BLTP1: variants seen among roughly 807,000 people sequenced by gnomAD.
BLTP1 encodes the protein fragile site-associated protein.
chr4:122,271,101 A>T, the BLTP1 span: 5 of 1,613,918 alleles, frequency 3.1e-6, no homozygotes, highest in Non-Finnish European at 4.2e-6. Context: ...GTTGTAATGG[A>T]AAAGTCCGTG....
At chr4:122,347,253 T>C in the BLTP1 span, 13 of 982,508 alleles carry the variant, frequency 1.3e-5, no homozygotes, top group African/African-American at 1.7e-5. Context: ...GTCAGTTACA[T>C]AGAGGTAAAT....
At chr4:122,338,822 A>G in the BLTP1 span, among the ~76,000 whole-genome samples, 1 of 152,184 alleles carries the variant, frequency 6.6e-6, no homozygotes, top group Non-Finnish European at 1.5e-5. Flanking sequence ...TCAAGGGTCA[A>G]CTGTCTTATT....
chr4:122,248,041 A>C, the BLTP1 span: 1 of 985,104 alleles, frequency 1.0e-6, no homozygotes, highest in Non-Finnish European at 1.2e-6. Flanking sequence ...GAATTTGCTT[A>C]CTGTATTTTA....
the BLTP1 span, chr4:122,189,325 A>G: frequency 1.0e-6 from 1 of 980,960 alleles, no homozygotes; most frequent in South Asian, 4.7e-5. Context: ...ATGTATGACA[A>G]AGAGAAAAGT....
the BLTP1 span, chr4:122,199,295 G>C: frequency 4.4e-6 from 7 of 1,587,254 alleles, no homozygotes; most frequent in South Asian, 8.0e-5. Context: ...GTTGGTTCTA[G>C]TCCAAAGATG....
the BLTP1 span, among the ~76,000 whole-genome samples, chr4:122,332,643 T>TTA: frequency 4.8e-5 from 7 of 147,132 alleles, no homozygotes; most frequent in African/African-American, 7.6e-5. Flanking sequence ...TTTTTTTTTT[T>TTA]ATTATACTCT....
chr4:122,220,465 T>TA, the BLTP1 span: 1 of 1,609,474 alleles, frequency 6.2e-7, no homozygotes, highest in South Asian at 1.1e-5. Flanking sequence ...CAGTGATAAC[T>TA]ATCAGGTAAG....
chr4:122,174,179 T>G, the BLTP1 span: 1 of 985,050 alleles, frequency 1.0e-6, no homozygotes. Context: ...ACATAAAACT[T>G]CTTTCAAACA....
At chr4:122,312,993 T>G in the BLTP1 span, 3 of 490,736 alleles carry the variant, frequency 6.1e-6, no homozygotes, top group Non-Finnish European at 7.9e-6. Context: ...CTATGTAAAA[T>G]TGTTGAATTT....
At chr4:122,287,702 T>A in the BLTP1 span, 8 of 985,346 alleles carry the variant, frequency 8.1e-6, no homozygotes, top group South Asian at 3.8e-4. Context: ...CATATTTAAG[T>A]CTGATTTACC....
the BLTP1 span, among the ~76,000 whole-genome samples, chr4:122,317,199 G>A: frequency 1.3e-5 from 2 of 152,008 alleles, no homozygotes; most frequent in Admixed American, 6.6e-5. Context: ...GGGCGTGGTG[G>A]TACATGCCTA....
the BLTP1 span, chr4:122,196,773 G>T: frequency 6.4e-7 from 1 of 1,572,352 alleles, no homozygotes; most frequent in Non-Finnish European, 8.7e-7. Context: ...CAATTGATTT[G>T]CTGTTTACCA....
chr4:122,208,750 A>G, the BLTP1 span: 480 of 747,918 alleles, frequency 6.4e-4, 3 homozygotes, highest in African/African-American at 8.3e-3. Context: ...TCGAATGCAA[A>G]ATCTGCCATT....
At chr4:122,343,405 T>C in the BLTP1 span, 62 of 1,613,584 alleles carry the variant, frequency 3.8e-5, no homozygotes, top group Non-Finnish European at 5.0e-5. Flanking sequence ...CTGTGCTCAC[T>C]GTAGGTTCAT....
the BLTP1 span, chr4:122,179,770 G>GCA: frequency 1.2e-6 from 1 of 847,170 alleles, no homozygotes. Context: ...GCACATACAT[G>GCA]CACACACACT....
At chr4:122,319,539 ATTTTT>A in the BLTP1 span, among the ~76,000 whole-genome samples, 2 of 131,678 alleles carry the variant, frequency 1.5e-5, no homozygotes, top group Admixed American at 7.6e-5. Context: ...ATGATTTATA[ATTTTT>A]TTTTTTTTTT....
chr4:122,177,368 C>G, the BLTP1 span, among the ~76,000 whole-genome samples: 76 of 152,294 alleles, frequency 5.0e-4, no homozygotes, highest in African/African-American at 1.7e-3. Flanking sequence ...CACATAGTCT[C>G]TTAACTAGTC....
the BLTP1 span, among the ~76,000 whole-genome samples, chr4:122,266,530 G>A: frequency 6.6e-6 from 1 of 151,972 alleles, no homozygotes; most frequent in Non-Finnish European, 1.5e-5. Flanking sequence ...AGACACTTAG[G>A]TAGGGTCAAG....
At chr4:122,200,676 C>A in the BLTP1 span, 1 of 984,878 alleles carries the variant, frequency 1.0e-6, no homozygotes, top group Non-Finnish European at 1.2e-6. Context: ...TCACACTGAG[C>A]CTGTCACTTA....
Sources: gnomAD v4.1 joint callset for allele counts (sites outside exome capture counted in the v4.1 genomes callset) on GRCh38, gnomAD v4.1.1 for gene constraint, MANE v1.5 for transcripts, NCBI Gene and HGNC (gene_info 2026-07-23, HGNC 2026-07-21) for gene names.